The following LIPA variants were observed in gnomAD, a reference collection of about 807,000 sequenced individuals.
LIPA encodes the protein lysosomal acid lipase/cholesteryl ester hydrolase.
LIPA carries 26 observed loss-of-function variants against 40.6 expected under a neutral mutation model. The observed-to-expected ratio is 0.64, with a 90% CI of 0.47 to 0.89. The LOEUF (loss-of-function observed/expected upper bound fraction) is 0.89. LIPA is among the 40% of genes least tolerant of loss of function. The pLI is 0.00. For missense variants in LIPA, 455 were observed against 479.6 expected (o/e 0.95, Z 0.48); for synonymous variants, 188 against 168.4 (o/e 1.12, Z -0.90).
chr10:89,377,333 T>A (rs994428879), intron 2 of LIPA, among the ~76,000 whole-genome samples: 31 of 152,212 alleles, frequency 2.0e-4, no homozygotes, highest in Non-Finnish European at 1.0e-4. Flanking sequence ...CATGACCCCA[T>A]CACATTCTCT....
At chr10:89,233,192 C>A (rs1253694475) in intron 3 of LIPA, among the ~76,000 whole-genome samples, 1 of 152,156 alleles carries the variant, frequency 6.6e-6, no homozygotes, top group African/African-American at 2.4e-5. Context: ...GCTCAATGAA[C>A]AACAGGCACA....
intron 2 of LIPA, among the ~76,000 whole-genome samples, chr10:89,352,250 C>G (rs1480023334): frequency 2.0e-5 from 3 of 152,262 alleles, no homozygotes; most frequent in African/African-American, 7.2e-5. Flanking sequence ...AAATTGACCT[C>G]TATCTCCAGT....
chr10:89,216,410 C>CATATATATATATAT (rs10646193), intron 8 of LIPA, among the ~76,000 whole-genome samples: 13 of 145,258 alleles, frequency 8.9e-5, no homozygotes, highest in African/African-American at 3.3e-4. Context: ...TATATATATA[C>CATATATATATATAT]ATATATATAT....
chr10:89,264,697 G>A (rs1843226152), intron 1 of LIPA, among the ~76,000 whole-genome samples: 1 of 152,218 alleles, frequency 6.6e-6, no homozygotes, highest in East Asian at 1.9e-4. Context: ...GGCTCATAAG[G>A]GAGGAAGTGT....
At chr10:89,388,481 G>T (rs1302523542) in intron 2 of LIPA, among the ~76,000 whole-genome samples, 1 of 151,946 alleles carries the variant, frequency 6.6e-6, no homozygotes, top group Admixed American at 6.6e-5. Flanking sequence ...GACGGTTGTT[G>T]GTGTATTATA....
chr10:89,359,598 TA>T (rs1309924313), intron 2 of LIPA, among the ~76,000 whole-genome samples: 1 of 152,172 alleles, frequency 6.6e-6, no homozygotes, highest in Non-Finnish European at 1.5e-5. Context: ...GGAGAACCTC[TA>T]GATTATGCTG....
chr10:89,347,208 C>T (rs999658587), upstream of LIPA, among the ~76,000 whole-genome samples: 3 of 152,134 alleles, frequency 2.0e-5, no homozygotes, highest in East Asian at 1.9e-4. Flanking sequence ...CCAAGAGGGC[C>T]GGTAGAGTCA....
Position 89,222,549 on chromosome 10 carries a change from C to T in LIPA, c.856G>A (p.Ala286Thr). The change falls in exon 8 of 10, where the codon GCT becomes ACT. Residue 286 changes from alanine (A) to threonine (T), a missense_variant. Physicochemically the swap from Ala to Thr is moderately conservative, Grantham distance 58. Transcript: ENST00000336233. ...AACATGTTTTGCACAGAAGTTCCAG[C>T]AGGAGAATGTGTTGTATATACATCC... is the stretch of plus-strand genomic sequence containing the variant. ...RVDVYTTHSP[A>T]GTSVQNMLHW... is the part of the protein sequence containing the mutation. 5 of 1,610,388 alleles carry T rather than the reference C, an allele frequency of 3.1e-6. No individual in the cohort carries two copies. The highest frequency in any genetic ancestry group is 4.2e-6 in the Non-Finnish European group (5 of 1,176,592).
At chr10:89,240,271 A>G (rs1842950412) in intron 3 of LIPA, among the ~76,000 whole-genome samples, 1 of 152,192 alleles carries the variant, frequency 6.6e-6, no homozygotes, top group African/African-American at 2.4e-5. Flanking sequence ...AATATCAGAG[A>G]CCACCATCAA....
At chr10:89,393,464 G>A (rs1844288250) in intron 2 of LIPA, 6 of 437,074 alleles carry the variant, frequency 1.4e-5, no homozygotes, top group South Asian at 9.1e-5. Context: ...CGGGCAAGGG[G>A]GCTCATGCTT....
intron 1 of LIPA, among the ~76,000 whole-genome samples, chr10:89,336,350 C>T (rs961236423): frequency 1.3e-5 from 2 of 152,316 alleles, no homozygotes; most frequent in Admixed American, 6.5e-5. Context: ...AAAGCACACA[C>T]ATAAAGAGGC....
chr10:89,289,680 A>G (rs1010970307), intron 1 of LIPA, among the ~76,000 whole-genome samples: 5 of 152,116 alleles, frequency 3.3e-5, no homozygotes, highest in African/African-American at 4.8e-5. Flanking sequence ...GGCTCTTGGT[A>G]TTCAGTGGCG....
chr10:89,339,279 CG>C, intron 1 of LIPA: 1 of 1,614,136 alleles, frequency 6.2e-7, no homozygotes, highest in South Asian at 1.1e-5. Context: ...ATAACCAATA[CG>C]TCAAGGTTCT....
intron 1 of LIPA, among the ~76,000 whole-genome samples, chr10:89,288,823 A>C (rs1166710797): frequency 6.6e-6 from 1 of 152,154 alleles, no homozygotes; most frequent in Non-Finnish European, 1.5e-5. Flanking sequence ...CCACACATCA[A>C]TATTTATACT....
intron 2 of LIPA, among the ~76,000 whole-genome samples, chr10:89,246,006 T>G (rs1330562432): frequency 6.6e-6 from 1 of 152,164 alleles, no homozygotes; most frequent in East Asian, 1.9e-4. Flanking sequence ...CGGTGTCTGG[T>G]TAAACTTCAG....
At chr10:89,286,599 A>G (rs1843342703) in intron 1 of LIPA, among the ~76,000 whole-genome samples, 1 of 152,160 alleles carries the variant, frequency 6.6e-6, no homozygotes, top group Non-Finnish European at 1.5e-5. Context: ...CAAATATAAA[A>G]ACCCAGCCCA....
At chr10:89,244,810 T>C (rs143050721) in intron 3 of LIPA, among the ~76,000 whole-genome samples, 2 of 152,200 alleles carry the variant, frequency 1.3e-5, no homozygotes, top group African/African-American at 4.8e-5. Context: ...CTTTCATATA[T>C]TCATAGTGAT....
intron 2 of LIPA, among the ~76,000 whole-genome samples, chr10:89,382,014 C>A (rs749885103): frequency 6.6e-6 from 1 of 152,118 alleles, no homozygotes; most frequent in Non-Finnish European, 1.5e-5. Context: ...AGGCAATCTG[C>A]CTACCTCGGC....
intron 7 of LIPA, among the ~76,000 whole-genome samples, chr10:89,222,924 G>A (rs982126699): frequency 3.3e-5 from 5 of 152,070 alleles, no homozygotes; most frequent in Non-Finnish European, 7.4e-5. Flanking sequence ...AAAGAAAAAT[G>A]GCACTGAAAT....
Sources: gnomAD v4.1 joint callset for allele counts (sites outside exome capture counted in the v4.1 genomes callset) on GRCh38, gnomAD v4.1.1 for gene constraint, MANE v1.5 for transcripts, NCBI Gene and HGNC (gene_info 2026-07-23, HGNC 2026-07-21) for gene names.